KCNN2: variants seen among roughly 807,000 people sequenced by gnomAD.
The protein encoded by KCNN2 is small conductance calcium-activated potassium channel protein 2.
In KCNN2, 24 loss-of-function variants were observed where a neutral mutation model predicts 55.5. The observed-to-expected ratio is 0.43, with a 90% CI of 0.31 to 0.61. KCNN2 has a LOEUF of 0.61. Among genes scored for constraint, KCNN2 ranks in the 20% least tolerant of loss-of-function variants. The pLI is 0.08. For synonymous variants in KCNN2, 431 were observed against 336.1 expected, an observed-to-expected ratio of 1.28 and a Z score of -3.09; for missense variants, 754 against 853.6, an observed-to-expected ratio of 0.88 and a Z score of 1.45.
At chr5:114,427,371 C>G (rs1486462120) in intron 3 of KCNN2, among the ~76,000 whole-genome samples, 2 of 152,152 alleles carry the variant, frequency 1.3e-5, no homozygotes, top group African/African-American at 4.8e-5. Context: ...GACCTTGGAC[C>G]AACTGAGGGG....
At chr5:114,167,492 A>G (rs1015553818) in intron 1 of KCNN2, among the ~76,000 whole-genome samples, 1 of 152,100 alleles carries the variant, frequency 6.6e-6, no homozygotes, top group African/African-American at 2.4e-5. Context: ...TTACCTGTAT[A>G]TACACTCATT....
At chr5:114,437,851 G>T (rs72801829) in intron 3 of KCNN2, among the ~76,000 whole-genome samples, 1 of 152,048 alleles carries the variant, frequency 6.6e-6, no homozygotes, top group Non-Finnish European at 1.5e-5. Flanking sequence ...TTTCTGGATC[G>T]TCAGTAAATT....
chr5:114,451,999 TTTAC>T (rs1760715451), intron 3 of KCNN2, among the ~76,000 whole-genome samples: 1 of 152,020 alleles, frequency 6.6e-6, no homozygotes, highest in African/African-American at 2.4e-5. Context: ...CTTCTCTTTG[TTTAC>T]TTACTAATAT....
intron 1 of KCNN2, among the ~76,000 whole-genome samples, chr5:114,133,901 T>A (rs1445904880): frequency 6.6e-6 from 1 of 152,190 alleles, no homozygotes; most frequent in Non-Finnish European, 1.5e-5. Flanking sequence ...ATAGCCAATA[T>A]ATTTCTAGTT....
intron 3 of KCNN2, among the ~76,000 whole-genome samples, chr5:114,452,082 G>A (rs1190922717): frequency 6.6e-6 from 1 of 152,114 alleles, no homozygotes; most frequent in Non-Finnish European, 1.5e-5. Flanking sequence ...CTCAGTTATA[G>A]GGAAAAAATA....
intron 2 of KCNN2, among the ~76,000 whole-genome samples, chr5:114,293,587 A>G (rs6594818): frequency 0.98 from 149,510 of 152,274 alleles, 73,458 homozygotes; most frequent in Non-Finnish European, 1. Flanking sequence ...TGCTGGATTC[A>G]GTTTGCCAGT....
chr5:114,274,616 T>G (rs1755444818), intron 2 of KCNN2, among the ~76,000 whole-genome samples: 1 of 152,202 alleles, frequency 6.6e-6, no homozygotes, highest in African/African-American at 2.4e-5. Flanking sequence ...GGGAGTTCAC[T>G]CCTGATTTGG....
chr5:114,465,627 A>G (rs1306935430), intron 4 of KCNN2, among the ~76,000 whole-genome samples: 7 of 152,006 alleles, frequency 4.6e-5, no homozygotes, highest in Non-Finnish European at 8.8e-5. Flanking sequence ...AAAAAAAAAA[A>G]AGAGAGAGGT....
At chr5:114,435,867 AGAAG>A (rs1468262088) in intron 3 of KCNN2, among the ~76,000 whole-genome samples, 1 of 152,208 alleles carries the variant, frequency 6.6e-6, no homozygotes, top group Admixed American at 6.5e-5. Context: ...GTTATCTTCA[AGAAG>A]GCACAATTCC....
chr5:114,120,774 T>C (rs1419220569), intron 1 of KCNN2, among the ~76,000 whole-genome samples: 1 of 152,200 alleles, frequency 6.6e-6, no homozygotes, highest in Non-Finnish European at 1.5e-5. Flanking sequence ...TTTTTGTATT[T>C]ATTCAGATTG....
intron 2 of KCNN2, among the ~76,000 whole-genome samples, chr5:114,288,469 A>G (rs1755802848): frequency 6.7e-6 from 1 of 148,572 alleles, no homozygotes; most frequent in Non-Finnish European, 1.5e-5. Flanking sequence ...CAATGTCTTG[A>G]CATCTTTGCC....
intron 1 of KCNN2, among the ~76,000 whole-genome samples, chr5:114,096,154 A>G (rs1751251432): frequency 6.6e-6 from 1 of 152,104 alleles, no homozygotes; most frequent in African/African-American, 2.4e-5. Context: ...GTGATTCTCC[A>G]GCTCTCTAGG....
At chr5:114,385,753 G>A (rs765648625) in intron 2 of KCNN2, among the ~76,000 whole-genome samples, 46 of 151,616 alleles carry the variant, frequency 3.0e-4, no homozygotes, top group Middle Eastern at 3.2e-3. Context: ...TTAGTATCCC[G>A]TCATAATAGT....
At chr5:114,102,224 A>T (rs752910165) in intron 1 of KCNN2, among the ~76,000 whole-genome samples, 21 of 151,908 alleles carry the variant, frequency 1.4e-4, no homozygotes, top group South Asian at 4.2e-4. Flanking sequence ...GGCCACATAA[A>T]TGTCTTCTTT....
intron 1 of KCNN2, among the ~76,000 whole-genome samples, chr5:114,065,959 A>G (rs1402292043): frequency 1.4e-5 from 2 of 143,310 alleles, no homozygotes; most frequent in Non-Finnish European, 3.0e-5. Flanking sequence ...TGGTTCCTAA[A>G]TATCAGTGGC....
chr5:114,219,182 G>A (rs1183986004), intron 1 of KCNN2, among the ~76,000 whole-genome samples: 1 of 152,228 alleles, frequency 6.6e-6, no homozygotes, highest in Non-Finnish European at 1.5e-5. Flanking sequence ...CAGAGGGCAT[G>A]TGTTACAGTG....
At chr5:114,079,910 G>T (rs1750771838) in intron 1 of KCNN2, among the ~76,000 whole-genome samples, 1 of 151,510 alleles carries the variant, frequency 6.6e-6, no homozygotes, top group African/African-American at 2.4e-5. Context: ...AGAATAATAG[G>T]AACTTCATAT....
intron 1 of KCNN2, among the ~76,000 whole-genome samples, chr5:114,087,003 G>A (rs866201004): frequency 6.9e-6 from 1 of 144,252 alleles, no homozygotes; most frequent in Non-Finnish European, 1.5e-5. Flanking sequence ...GTATCTCATC[G>A]TGGTTCTGTT....
chr5:114,445,298 C>T lies in KCNN2; in HGVS notation c.1638-17751C>T, dbSNP rs148501176. Among the ~76,000 whole-genome samples, 523 of 152,258 alleles carry T rather than the reference C, an allele frequency of 3.4e-3. 3 individuals are homozygous for T. The highest frequency in any genetic ancestry group is 0.012 in the African/African-American group (499 of 41,552). On this transcript the variant is annotated intron_variant, in intron 3 of 7. Transcript: ENST00000673685. ...TGATAAAAGCAAAAATGCCCTACAA[C>T]ATGCCTTACCTCCGTTTACTAAGAA...
Sources: gnomAD v4.1 joint callset for allele counts (sites outside exome capture counted in the v4.1 genomes callset) on GRCh38, gnomAD v4.1.1 for gene constraint, MANE v1.5 for transcripts, NCBI Gene and HGNC (gene_info 2026-07-23, HGNC 2026-07-21) for gene names.